LGSN: variants seen among roughly 807,000 people sequenced by gnomAD.
LGSN encodes the protein lengsin, lens protein with glutamine synthetase domain.
LGSN carries 21 observed loss-of-function variants against 19.5 expected under a neutral mutation model. That is an observed-to-expected ratio of 1.07 (90% confidence interval 0.76 to 1.55). The LOEUF is 1.55. Among genes scored for constraint, LGSN ranks in the 40% most tolerant of loss-of-function variants. The probability of loss-of-function intolerance (pLI) is 0.00; values close to 1 mark genes in which losing one functional copy is unlikely to be tolerated. For missense variants in LGSN, 673 were observed against 608.5 expected, an observed-to-expected ratio of 1.11 and a Z score of -1.12; for synonymous variants, 257 against 215.6, an observed-to-expected ratio of 1.19 and a Z score of -1.68.
chr6:63,288,076 G>C (rs1159778303), intron 2 of LGSN, among the ~76,000 whole-genome samples: 1 of 151,708 alleles, frequency 6.6e-6, no homozygotes, highest in African/African-American at 2.4e-5. Context: ...AAACTAGCCA[G>C]GCATGGTGGC....
the LGSN span, among the ~76,000 whole-genome samples, chr6:63,419,075 G>A: frequency 6.6e-6 from 1 of 152,084 alleles, no homozygotes; most frequent in African/African-American, 2.4e-5. Context: ...CAGTAGAAGT[G>A]AGGAGCACTG....
intron 2 of LGSN, among the ~76,000 whole-genome samples, chr6:63,292,501 A>G (rs1333741060): frequency 6.6e-6 from 1 of 152,188 alleles, no homozygotes; most frequent in Non-Finnish European, 1.5e-5. Context: ...AGAAACTCTA[A>G]CAATGTTACT....
At chr6:63,346,392 C>A in the LGSN span, among the ~76,000 whole-genome samples, 3 of 152,024 alleles carry the variant, frequency 2.0e-5, no homozygotes, top group Non-Finnish European at 2.9e-5. Context: ...AATCCCTGAA[C>A]AATGGGTTTG....
chr6:63,319,792 G>T, intron 1 of LGSN, 122 bp downstream of exon 1: 1 of 713,902 alleles, frequency 1.4e-6, no homozygotes, highest in Non-Finnish European at 2.5e-6. Flanking sequence ...TCTCCTGAGT[G>T]GACATATAAC....
chr6:63,382,512 T>C, the LGSN span, among the ~76,000 whole-genome samples: 1 of 152,202 alleles, frequency 6.6e-6, no homozygotes, highest in African/African-American at 2.4e-5. Context: ...GACCACACTA[T>C]GTGAGATGAC....
At chr6:63,541,031 A>C in the LGSN span, among the ~76,000 whole-genome samples, 1 of 41,086 alleles carries the variant, frequency 2.4e-5, no homozygotes, top group East Asian at 6.2e-4. Context: ...TGAAGAAAGG[A>C]AGGAAGGAAG....
the LGSN span, among the ~76,000 whole-genome samples, chr6:63,514,476 C>T: frequency 1.3e-5 from 2 of 152,216 alleles, no homozygotes; most frequent in African/African-American, 4.8e-5. Flanking sequence ...GTCCGCCCAC[C>T]TCGGCCTCCC....
chr6:63,375,070 T>C, the LGSN span, among the ~76,000 whole-genome samples: 1 of 152,238 alleles, frequency 6.6e-6, no homozygotes, highest in African/African-American at 2.4e-5. Context: ...CTATTGTTAT[T>C]GATGTCATTG....
At chr6:63,471,112 G>A in the LGSN span, among the ~76,000 whole-genome samples, 40 of 148,612 alleles carry the variant, frequency 2.7e-4, no homozygotes, top group Non-Finnish European at 5.0e-4. Flanking sequence ...CACCATACTC[G>A]GCTAATTTTT....
At chr6:63,539,457 A>G in the LGSN span, among the ~76,000 whole-genome samples, 1 of 152,168 alleles carries the variant, frequency 6.6e-6, no homozygotes, top group African/African-American at 2.4e-5. Flanking sequence ...TTGCAAATCA[A>G]CAAGGAACAG....
chr6:63,315,259 A>G (rs1768793641), intron 1 of LGSN, among the ~76,000 whole-genome samples: 2 of 152,176 alleles, frequency 1.3e-5, no homozygotes, highest in Non-Finnish European at 1.5e-5. Flanking sequence ...CCTTTATAAA[A>G]GATTCTAAAT....
chr6:63,539,130 G>T, the LGSN span, among the ~76,000 whole-genome samples: 1 of 152,044 alleles, frequency 6.6e-6, no homozygotes, highest in Non-Finnish European at 1.5e-5. Context: ...CTGACCTAAG[G>T]TGGTCCACCC....
the LGSN span, among the ~76,000 whole-genome samples, chr6:63,525,854 T>C: frequency 1.3e-5 from 2 of 152,222 alleles, no homozygotes; most frequent in Non-Finnish European, 2.9e-5. Context: ...TCTTTTTTCC[T>C]GACTAAACCC....
chr6:63,302,947 T>G (rs962579201), intron 1 of LGSN, among the ~76,000 whole-genome samples: 1 of 152,036 alleles, frequency 6.6e-6, no homozygotes, highest in Non-Finnish European at 1.5e-5. Context: ...GCCAATATAG[T>G]GAGACCCCCA....
chr6:63,319,686 C>T (rs1464176515), intron 1 of LGSN, among the ~76,000 whole-genome samples: 1 of 152,050 alleles, frequency 6.6e-6, no homozygotes, highest in Non-Finnish European at 1.5e-5. Context: ...TTATTCAAAC[C>T]AAATGAGCTT....
chr6:63,332,326 G>A, the LGSN span, among the ~76,000 whole-genome samples: 1 of 152,342 alleles, frequency 6.6e-6, no homozygotes, highest in East Asian at 1.9e-4. Flanking sequence ...GAAGAGAGGT[G>A]AGAGGAAGTT....
At chr6:63,361,509 G>A in the LGSN span, among the ~76,000 whole-genome samples, 12 of 152,086 alleles carry the variant, frequency 7.9e-5, no homozygotes, top group South Asian at 2.1e-4. Flanking sequence ...TCGGAAAAGC[G>A]CAGTATTAGG....
the LGSN span, among the ~76,000 whole-genome samples, chr6:63,478,390 G>A: frequency 1.3e-5 from 2 of 152,226 alleles, no homozygotes; most frequent in Non-Finnish European, 2.9e-5. Context: ...ATGGATACAT[G>A]GTTTCTTTTT....
chr6:63,419,882 A>G, the LGSN span, among the ~76,000 whole-genome samples: 1 of 5,142 alleles, frequency 1.9e-4, no homozygotes, highest in Non-Finnish European at 5.0e-4. Context: ...CTCCCTCCCA[A>G]AAAAAAAAAA....
Sources: allele counts gnomAD v4.1 joint callset (sites outside exome capture counted in the v4.1 genomes callset), GRCh38; gene constraint gnomAD v4.1.1; transcripts MANE v1.5; gene names NCBI Gene and HGNC (gene_info 2026-07-23, HGNC 2026-07-21).